PDHX: variants seen among roughly 807,000 people sequenced by gnomAD.
PDHX encodes the protein pyruvate dehydrogenase complex component X.
PDHX carries 33 observed loss-of-function variants against 55.3 expected under a neutral mutation model. The observed-to-expected ratio is 0.60, with a 90% CI of 0.45 to 0.80. The LOEUF is 0.80. Among genes scored for constraint, PDHX ranks in the 30% least tolerant of loss-of-function variants. PDHX has a pLI of 0.00. For synonymous variants in PDHX, 226 were observed against 219.4 expected (o/e 1.03, Z -0.27); for missense variants, 622 against 619.9 (o/e 1.00, Z -0.04).
At chr11:34,925,324 G>C (rs1198423007) in intron 1 of PDHX, among the ~76,000 whole-genome samples, 1 of 152,174 alleles carries the variant, frequency 6.6e-6, no homozygotes, top group African/African-American at 2.4e-5. Context: ...GATTAAGAGA[G>C]GGGATCCAGG....
chr11:34,972,512 C>G (rs1855279298), intron 7 of PDHX, among the ~76,000 whole-genome samples: 1 of 151,786 alleles, frequency 6.6e-6, no homozygotes, highest in African/African-American at 2.4e-5. Context: ...ATTCTCACGC[C>G]TCAGTGCCCT....
At chr11:34,983,959 A>G (rs1164714866) in intron 8 of PDHX, among the ~76,000 whole-genome samples, 1 of 152,232 alleles carries the variant, frequency 6.6e-6, no homozygotes, top group Non-Finnish European at 1.5e-5. Flanking sequence ...AAGAACCCGC[A>G]TTGCCAAGTC....
At chr11:34,928,268 G>A (rs1249048995) in intron 1 of PDHX, among the ~76,000 whole-genome samples, 1 of 151,952 alleles carries the variant, frequency 6.6e-6, no homozygotes, top group Non-Finnish European at 1.5e-5. Context: ...TTGCTTCTTT[G>A]AAATGGAACT....
chr11:34,957,268 C>T, intron 3 of PDHX, 116 bp from the exon 4 acceptor site: 1 of 767,876 alleles, frequency 1.3e-6, no homozygotes, highest in Non-Finnish European at 2.3e-6. Flanking sequence ...GTCTTGGAAG[C>T]AGCTTTTAGC....
intron 5 of PDHX, among the ~76,000 whole-genome samples, chr11:34,962,847 G>A (rs1026112691): frequency 6.6e-5 from 10 of 152,112 alleles, no homozygotes; most frequent in African/African-American, 2.4e-4. Flanking sequence ...TTAAACCTGA[G>A]TTGAAAGTTA....
intron 6 of PDHX, 35 bp downstream of exon 6, chr11:34,966,849 CTTGTTTTTCTTTTTTTTT>C: frequency 6.3e-7 from 1 of 1,579,242 alleles, no homozygotes; most frequent in Non-Finnish European, 8.7e-7. Context: ...ATTTCTTTTT[CTTGTTTTTCTTTTTTTTT>C]TTGAGACAGA....
chr11:34,947,592 T>C lies in PDHX; in HGVS notation c.328T>C (p.Leu110=). The C allele has an allele frequency of 1.2e-6, 2 of 1,608,872 alleles. No individual in the cohort carries two copies. Among genetic ancestry groups the C allele is most frequent in the Non-Finnish European group, 1.7e-6 (2 of 1,175,216 alleles). Residue 110 remains leucine, a synonymous_variant, in exon 3 of 11, where the codon TTG becomes CTG. Coordinates refer to ENST00000227868, the MANE Select transcript of PDHX (RefSeq NM_003477.3). ...CTTAGATGCAAGTGATGATGGAATCTTGGCCAAAATCGTGGTAAGTTTTTA... is the reference window on the plus strand; with the variant it reads ...CTTAGATGCAAGTGATGATGGAATCCTGGCCAAAATCGTGGTAAGTTTTTA... ...VTLDASDDGI[L]AKIVVEEGSK...
At chr11:34,987,875 G>C (rs754192703) in intron 9 of PDHX, among the ~76,000 whole-genome samples, 2 of 152,086 alleles carry the variant, frequency 1.3e-5, no homozygotes, top group Non-Finnish European at 2.9e-5. Flanking sequence ...GTATAGTAGT[G>C]AGTCACCTTT....
At chr11:34,935,970 C>G (rs1409718) in intron 2 of PDHX, among the ~76,000 whole-genome samples, 33,823 of 152,102 alleles carry the variant, frequency 0.22, 4,931 homozygotes, top group Non-Finnish European at 0.34. Context: ...AGAGTTTAGG[C>G]AGTGGGCAGG....
chr11:34,945,586 G>A (rs375799903), intron 2 of PDHX, among the ~76,000 whole-genome samples: 2 of 152,108 alleles, frequency 1.3e-5, no homozygotes, highest in South Asian at 2.1e-4. Context: ...GCTGAGAAGT[G>A]TACTCTCAGT....
chr11:34,918,286 A>AG (rs1565145245), intron 1 of PDHX, among the ~76,000 whole-genome samples: 1 of 151,618 alleles, frequency 6.6e-6, no homozygotes, highest in East Asian at 1.9e-4. Context: ...TAAAAAAAAA[A>AG]AAAGAAAGAA....
At chr11:34,938,410 G>T (rs2133953522) in intron 2 of PDHX, among the ~76,000 whole-genome samples, 1 of 152,270 alleles carries the variant, frequency 6.6e-6, no homozygotes, top group East Asian at 1.9e-4. Flanking sequence ...AGAGCAATTG[G>T]CTCTGCATGG....
At chr11:34,972,581 T>C (rs540267029) in intron 7 of PDHX, among the ~76,000 whole-genome samples, 7 of 152,104 alleles carry the variant, frequency 4.6e-5, no homozygotes, top group African/African-American at 1.4e-4. Context: ...GTATTTTTAC[T>C]AGAGACGGTG....
intron 9 of PDHX, among the ~76,000 whole-genome samples, chr11:34,985,866 ACCC>A (rs1175496359): frequency 1.3e-5 from 2 of 152,222 alleles, no homozygotes; most frequent in African/African-American, 4.8e-5. Context: ...TTAAAAGCAT[ACCC>A]ATAAATACTG....
rs767288617 is a variant in PDHX, at chr11:34,966,738, T to C, written c.740T>C (p.Leu247Pro). 1 of 1,614,134 alleles carries C rather than the reference T, an allele frequency of 6.2e-7. No homozygotes were observed. The highest frequency in any genetic ancestry group is 8.5e-7 in the Non-Finnish European group (1 of 1,179,990). The change falls in exon 6 of 11, where the codon CTA (leucine) becomes CCA (proline). Residue 247 changes from leucine to proline, a missense_variant. Transcript: ENST00000227868. ...GCCACTCCCACAGCACCTTCGCCCC[T>C]ACAGGCCACAGCTGGACCATCTTAT... ...PTATPTAPSP[L>P]QATAGPSYPR...
intron 7 of PDHX, among the ~76,000 whole-genome samples, chr11:34,973,463 T>C (rs888318183): frequency 2.0e-5 from 3 of 152,196 alleles, no homozygotes; most frequent in African/African-American, 7.2e-5. Context: ...GCATTCTCTT[T>C]GTCCCACCTC....
chr11:34,974,932 G>C (rs927230062), intron 7 of PDHX, among the ~76,000 whole-genome samples: 1 of 151,870 alleles, frequency 6.6e-6, no homozygotes, highest in Non-Finnish European at 1.5e-5. Flanking sequence ...AGTGCACAAA[G>C]GTTGAAATTT....
intron 3 of PDHX, among the ~76,000 whole-genome samples, chr11:34,949,965 G>C (rs1854718317): frequency 6.6e-6 from 1 of 151,452 alleles, no homozygotes; most frequent in East Asian, 1.9e-4. Context: ...TTAAAAAAAT[G>C]GTTTTTTAAT....
chr11:34,950,329 A>G (rs1025690323), intron 3 of PDHX, among the ~76,000 whole-genome samples: 8 of 150,566 alleles, frequency 5.3e-5, no homozygotes, highest in African/African-American at 1.9e-4. Flanking sequence ...TCTCAACTCT[A>G]ATTTTTTCTT....
Sources: allele counts gnomAD v4.1 joint callset (sites outside exome capture counted in the v4.1 genomes callset), GRCh38; gene constraint gnomAD v4.1.1; transcripts MANE v1.5; gene names NCBI Gene and HGNC (gene_info 2026-07-23, HGNC 2026-07-21).